ULK2: variants seen among roughly 807,000 people sequenced by gnomAD.
ULK2 encodes the protein serine/threonine-protein kinase ULK2.
Under a neutral mutation model 127.5 loss-of-function variants are expected in ULK2, and 76 were observed. The observed-to-expected ratio is 0.60, with a 90% CI of 0.50 to 0.72. The LOEUF is 0.72. ULK2 is among the 30% of genes least tolerant of loss of function. The pLI is 0.00. For missense variants in ULK2, 1,144 were observed against 1,295.9 expected, an observed-to-expected ratio of 0.88 and a Z score of 1.80; for synonymous variants, 452 against 461.9, an observed-to-expected ratio of 0.98 and a Z score of 0.28.
intron 15 of ULK2, among the ~76,000 whole-genome samples, chr17:19,803,573 ACC>A (rs2087446863): frequency 6.6e-6 from 1 of 152,246 alleles, no homozygotes; most frequent in Non-Finnish European, 1.5e-5. Context: ...AACTTTGAGA[ACC>A]ACTGTACAAT....
intron 26 of ULK2, 22 bp from the exon 27 acceptor site, chr17:19,776,429 TGAA>T: frequency 3.8e-6 from 6 of 1,564,286 alleles, no homozygotes; most frequent in Middle Eastern, 3.4e-4. Context: ...ATAACAAAAA[TGAA>T]GAACTAATGA....
chr17:19,843,809 C>T (rs2041821211), intron 7 of ULK2, among the ~76,000 whole-genome samples: 1 of 151,956 alleles, frequency 6.6e-6, no homozygotes, highest in African/African-American at 2.4e-5. Flanking sequence ...CACGCGCCTG[C>T]AACCATGCCC....
intron 12 of ULK2, among the ~76,000 whole-genome samples, chr17:19,820,564 C>G (rs1290452313): frequency 6.6e-6 from 1 of 152,178 alleles, no homozygotes; most frequent in East Asian, 1.9e-4. Context: ...TACCAGCTAG[C>G]TAAGGCTACT....
chr17:19,841,341 CCAG>C, intron 9 of ULK2, 145 bp downstream of exon 9: 1 of 739,322 alleles, frequency 1.4e-6, no homozygotes, highest in South Asian at 1.8e-5. Flanking sequence ...CTATGATGTG[CCAG>C]CAATTTTCTA....
In ULK2 at chr17:19,865,779, G is replaced by T; in HGVS notation, c.140C>A (p.Ser47Ter). The T allele has an allele frequency of 6.4e-7, 1 of 1,564,566 alleles. No homozygotes were observed. Among genetic ancestry groups the T allele is most frequent in the South Asian group, 1.2e-5 (1 of 86,728 alleles). ...AIKSINKKNL[S>*]KSQILLGKEI... ...CTTTCCAAGCAGTATTTGTGATTTT[G>T]ACAAGTTCTTTTTATTAATACTTTT... The change falls in exon 2 of 27, where the codon TCA (serine) becomes TAA (stop). Residue 47 changes from serine to a stop codon, truncating the protein, a stop_gained. Transcript: ENST00000395544. LOFTEE classifies it high-confidence loss of function.
chr17:19,803,313 T>C (rs759485728), intron 15 of ULK2, among the ~76,000 whole-genome samples: 60 of 152,202 alleles, frequency 3.9e-4, no homozygotes, highest in Non-Finnish European at 7.3e-5. Context: ...AAGAAAAATA[T>C]TAATTTTTAC....
At chr17:19,777,446 G>C in intron 26 of ULK2, 135 bp downstream of exon 26, 1 of 938,574 alleles carries the variant, frequency 1.1e-6, no homozygotes, top group Admixed American at 3.1e-5. Context: ...CCACACAAAG[G>C]CTGTGATTTG....
intron 16 of ULK2, among the ~76,000 whole-genome samples, chr17:19,800,581 T>C (rs550305150): frequency 1.3e-5 from 2 of 152,324 alleles, no homozygotes; most frequent in South Asian, 4.2e-4. Context: ...ACAGGTAATG[T>C]GGCAATTTAA....
intron 10 of ULK2, among the ~76,000 whole-genome samples, chr17:19,833,095 C>T (rs538442110): frequency 6.9e-6 from 1 of 144,328 alleles, no homozygotes; most frequent in East Asian, 2.1e-4. Context: ...TGCACTCCAG[C>T]CTGGGCGACA....
intron 10 of ULK2, among the ~76,000 whole-genome samples, chr17:19,833,264 A>C (rs181715874): frequency 1.2e-4 from 19 of 152,330 alleles, no homozygotes; most frequent in African/African-American, 4.6e-4. Context: ...AGCAACAAAG[A>C]AGTATGGCCC....
At chr17:19,788,896 G>A (rs923284019) in intron 20 of ULK2, among the ~76,000 whole-genome samples, 3 of 152,172 alleles carry the variant, frequency 2.0e-5, no homozygotes, top group Admixed American at 6.5e-5. Flanking sequence ...TTTGTCTTGC[G>A]GTTTGAGTGG....
intron 1 of ULK2, among the ~76,000 whole-genome samples, chr17:19,866,913 C>A (rs1329817808): frequency 6.6e-6 from 1 of 152,142 alleles, no homozygotes. Flanking sequence ...GGACATCCGC[C>A]CATTTTCCGC....
chr17:19,821,936 T>C (rs909040593), intron 12 of ULK2, among the ~76,000 whole-genome samples: 1 of 151,714 alleles, frequency 6.6e-6, no homozygotes, highest in Admixed American at 6.6e-5. Flanking sequence ...TCCTCCCACC[T>C]TGGCCTTCCA....
chr17:19,856,602 T>A (rs966811664), intron 3 of ULK2, among the ~76,000 whole-genome samples: 1 of 149,852 alleles, frequency 6.7e-6, no homozygotes, highest in Non-Finnish European at 1.5e-5. Context: ...AAAAAAAAGT[T>A]TGAAATTCAC....
At chr17:19,802,557 G>A (rs1314012298) in intron 15 of ULK2, among the ~76,000 whole-genome samples, 1 of 152,074 alleles carries the variant, frequency 6.6e-6, no homozygotes, top group Non-Finnish European at 1.5e-5. Context: ...TCTCATAATT[G>A]CTTCTGCATT....
At chr17:19,802,400 T>G (rs1264180247) in intron 15 of ULK2, among the ~76,000 whole-genome samples, 1 of 152,188 alleles carries the variant, frequency 6.6e-6, no homozygotes, top group African/African-American at 2.4e-5. Context: ...TTTTTAAGAA[T>G]TATTAACTCA....
intron 14 of ULK2, among the ~76,000 whole-genome samples, chr17:19,805,970 A>G (rs547798533): frequency 6.6e-6 from 1 of 152,310 alleles, no homozygotes; most frequent in African/African-American, 2.4e-5. Flanking sequence ...CTCTCTATAC[A>G]TTTTTATTTA....
intron 22 of ULK2, 41 bp downstream of exon 22, chr17:19,783,656 A>G (rs2086965967): frequency 7.2e-7 from 1 of 1,382,574 alleles, no homozygotes; most frequent in Admixed American, 2.8e-5. Flanking sequence ...TTCTCATATC[A>G]AATCAACATT....
chr17:19,832,381 G>C (rs1399318577), intron 10 of ULK2, among the ~76,000 whole-genome samples: 2 of 151,514 alleles, frequency 1.3e-5, no homozygotes, highest in African/African-American at 4.9e-5. Context: ...AATCCTCCCA[G>C]CTCAGCCTCC....
Sources: allele counts gnomAD v4.1 joint callset (sites outside exome capture counted in the v4.1 genomes callset), GRCh38; gene constraint gnomAD v4.1.1; transcripts MANE v1.5; gene names NCBI Gene and HGNC (gene_info 2026-07-23, HGNC 2026-07-21).